Variants in TRAPPC9 observed in about 807,000 individuals in gnomAD.
TRAPPC9 encodes the protein trafficking protein particle complex subunit 9, also known as IKK2 binding protein.
A neutral mutation model predicts 124.0 loss-of-function variants in TRAPPC9; 83 were observed. That is an observed-to-expected ratio of 0.67 (90% confidence interval 0.56 to 0.80). TRAPPC9 has a LOEUF of 0.80. Among genes scored for constraint, TRAPPC9 ranks in the 30% least tolerant of loss-of-function variants. The pLI, the probability that TRAPPC9 is intolerant of heterozygous loss-of-function variation, is 0.00. For synonymous variants in TRAPPC9, 638 were observed against 617.5 expected (o/e 1.03, Z -0.49); for missense variants, 1,302 against 1,508.3 (o/e 0.86, Z 2.27).
At chr8:139,882,490 C>T (rs973626759) in intron 21 of TRAPPC9, among the ~76,000 whole-genome samples, 2 of 152,310 alleles carry the variant, frequency 1.3e-5, no homozygotes, top group African/African-American at 2.4e-5. Flanking sequence ...ACCCTGTCCC[C>T]CTACCTGTTC....
At chr8:139,860,254 C>T (rs1232838387) in intron 21 of TRAPPC9, among the ~76,000 whole-genome samples, 1 of 152,178 alleles carries the variant, frequency 6.6e-6, no homozygotes, top group African/African-American at 2.4e-5. Context: ...GTAGAGCTAG[C>T]CCACTGAAGA....
intron 21 of TRAPPC9, among the ~76,000 whole-genome samples, chr8:139,847,786 G>A (rs561532578): frequency 2.7e-5 from 4 of 150,228 alleles, no homozygotes; most frequent in African/African-American, 5.0e-5. Flanking sequence ...CCCAGCCTGC[G>A]GATGGGCACA....
chr8:139,729,023 G>A lies in TRAPPC9; in HGVS notation c.*2038C>T, dbSNP rs996686901. On this transcript the variant is annotated 3_prime_UTR_variant, in exon 23 of 23. Transcript: ENST00000438773. ...TATATCTAATCTGGATCTGTGGCTGGATCTATATCTGTAGCTATGTGTGTA... is the reference window on the plus strand; with the variant it reads ...TATATCTAATCTGGATCTGTGGCTGAATCTATATCTGTAGCTATGTGTGTA... Among the ~76,000 whole-genome samples, 4 of 152,120 alleles carry A rather than the reference G, an allele frequency of 2.6e-5. No individual in the cohort carries two copies. The highest frequency in any genetic ancestry group is 9.7e-5 in the African/African-American group (4 of 41,396).
intron 17 of TRAPPC9, among the ~76,000 whole-genome samples, chr8:140,033,658 G>GTTTTTTTTTTTTTTTTTTTTTTTTTTTTT (rs776155126): frequency 2.4e-5 from 1 of 42,398 alleles, no homozygotes; most frequent in Non-Finnish European, 5.5e-5. Flanking sequence ...TCATAATGTG[G>GTTTTTTTTTTTTTTTTTTTTTTTTTTTTT]TTTTTTTTTT....
chr8:140,300,454 G>T lies in TRAPPC9; in HGVS notation c.1768+15C>A, dbSNP rs763015690. The T allele has an allele frequency of 6.2e-7, 1 of 1,613,970 alleles. No individual in the cohort carries two copies. The highest frequency in any genetic ancestry group is 1.3e-5 in the African/African-American group (1 of 74,930). ...GTGGCAGAGCACGGTGGGAAAGCCAGGATCGACGTCCTACCTATTTTCTTG... is the reference window on the plus strand; with the variant it reads ...GTGGCAGAGCACGGTGGGAAAGCCATGATCGACGTCCTACCTATTTTCTTG... On this transcript the variant is annotated intron_variant, in intron 11 of 22. Transcript: ENST00000438773.
rs142329665 is a variant in TRAPPC9, at chr8:140,300,495, C to A, written c.1742G>T (p.Arg581Leu). 1 of 1,614,060 alleles carries A rather than the reference C, an allele frequency of 6.2e-7. No homozygotes were observed. Among genetic ancestry groups the A allele is most frequent in the Non-Finnish European group, 8.5e-7 (1 of 1,180,040 alleles). ...TATTTTCTTGTTCCGCTCTTCTCCA[C>A]GGTTGTGTGCGATAATTGGTGAATA... ...FIYSPIIAHN[R>L]GEERNKKIDF... Residue 581 changes from arginine (R) to leucine (L), a missense_variant, in exon 11 of 23, where the codon CGT becomes CTT. By Grantham distance (102) the Arg-to-Leu change is moderately radical (BLOSUM62 -2). Around this residue, in one of 3 missense-constraint regions of TRAPPC9, gnomAD observed 657 missense variants for 811.2 expected, o/e 0.81. Transcript: ENST00000438773.
intron 17 of TRAPPC9, among the ~76,000 whole-genome samples, chr8:140,122,019 TTCTTTCTCTC>T (rs1402601104): frequency 3.9e-5 from 3 of 76,932 alleles, no homozygotes; most frequent in African/African-American, 8.5e-5. Context: ...CTTTCTTTCT[TTCTTTCTCTC>T]TCTCTCTCTC....
At chr8:139,807,839 A>G (rs1394103453) in intron 21 of TRAPPC9, among the ~76,000 whole-genome samples, 1 of 152,220 alleles carries the variant, frequency 6.6e-6, no homozygotes, top group Non-Finnish European at 1.5e-5. Flanking sequence ...AGCTCTATTG[A>G]ATGAACAAAG....
intron 2 of TRAPPC9, among the ~76,000 whole-genome samples, chr8:140,447,911 G>A (rs973779443): frequency 2.6e-5 from 4 of 152,078 alleles, no homozygotes; most frequent in Non-Finnish European, 5.9e-5. Context: ...TTGGGAGGCC[G>A]AGGCAGGTGG....
rs374635306 is a variant in TRAPPC9 at position 140,177,066 on chromosome 8, G to C, written c.2556+44393C>G. Reference sequence around the variant, plus strand: ...ATACAAGTCTTTTTAACAGATACATGTTTTGCAAATACTTACTCCAAGGCT... The same window carrying C: ...ATACAAGTCTTTTTAACAGATACATCTTTTGCAAATACTTACTCCAAGGCT... On this transcript the variant is annotated intron_variant, in intron 17 of 22. Transcript: ENST00000438773. Among the ~76,000 whole-genome samples the C allele has an allele frequency of 3.4e-4, 52 of 152,252 alleles. No individual in the cohort carries two copies. The East Asian group carries it at 6.4e-3, about 19-fold the overall frequency.
intron 18 of TRAPPC9, among the ~76,000 whole-genome samples, chr8:140,003,956 A>T (rs1838577547): frequency 6.6e-6 from 1 of 152,272 alleles, no homozygotes; most frequent in Non-Finnish European, 1.5e-5. Flanking sequence ...AATGTCCTTT[A>T]AACAGTGAAT....
At chr8:139,913,648 C>T (rs1444804057) in intron 19 of TRAPPC9, among the ~76,000 whole-genome samples, 1 of 152,220 alleles carries the variant, frequency 6.6e-6, no homozygotes, top group Non-Finnish European at 1.5e-5. Flanking sequence ...ATTGCCTTCT[C>T]CTCTGCAGCC....
chr8:140,053,417 A>G (rs890886167), intron 17 of TRAPPC9, among the ~76,000 whole-genome samples: 1 of 152,214 alleles, frequency 6.6e-6, no homozygotes, highest in African/African-American at 2.4e-5. Flanking sequence ...ACTGGGTTGG[A>G]GAAGATACTT....
intron 17 of TRAPPC9, among the ~76,000 whole-genome samples, chr8:140,180,918 A>G (rs1587868286): frequency 6.6e-6 from 1 of 152,168 alleles, no homozygotes; most frequent in Non-Finnish European, 1.5e-5. Flanking sequence ...CTGAGGATTT[A>G]TCATTCCCAT....
chr8:140,049,479 A>G (rs1195562747), intron 17 of TRAPPC9, among the ~76,000 whole-genome samples: 1 of 152,046 alleles, frequency 6.6e-6, no homozygotes, highest in African/African-American at 2.4e-5. Context: ...CACTGCGGGA[A>G]GAGCCGGCCC....
At chr8:140,272,177 GTGGTGGTTA>G (rs914564237) in intron 15 of TRAPPC9, among the ~76,000 whole-genome samples, 13 of 98,058 alleles carry the variant, frequency 1.3e-4, no homozygotes, top group Non-Finnish European at 2.9e-4. Context: ...GGTTATAGTG[GTGGTGGTTA>G]TGGTGGTGAT....
intron 17 of TRAPPC9, among the ~76,000 whole-genome samples, chr8:140,083,757 C>T (rs1844003282): frequency 1.3e-5 from 2 of 152,060 alleles, no homozygotes; most frequent in Non-Finnish European, 2.9e-5. Flanking sequence ...ACGTTTGCCT[C>T]CTAGGTTCAA....
intron 21 of TRAPPC9, among the ~76,000 whole-genome samples, chr8:139,830,091 G>C (rs117455171): frequency 6.6e-6 from 1 of 152,338 alleles, no homozygotes; most frequent in East Asian, 1.9e-4. Context: ...AAACAGAAAT[G>C]CACCTACAGA....
chr8:139,748,705 G>A (rs913063678), intron 21 of TRAPPC9, among the ~76,000 whole-genome samples: 9 of 152,032 alleles, frequency 5.9e-5, no homozygotes, highest in Non-Finnish European at 1.0e-4. Flanking sequence ...TCTCCTCCCT[G>A]GAAGCCTTCC....
Sources: gnomAD v4.1 joint callset for allele counts (sites outside exome capture counted in the v4.1 genomes callset) on GRCh38, gnomAD v4.1.1 for gene constraint, gnomAD v4.1.1 regional missense constraint, MANE v1.5 for transcripts, NCBI Gene and HGNC (gene_info 2026-07-23, HGNC 2026-07-21) for gene names.